The following PRG3 variants were observed in gnomAD, a reference collection of about 807,000 sequenced individuals.
The protein encoded by PRG3 is proteoglycan 3, pro eosinophil major basic protein 2.
Under a neutral mutation model 26.1 loss-of-function variants are expected in PRG3, and 25 were observed. The ratio of observed to expected loss-of-function variants is 0.96; its 90% confidence interval spans 0.70 to 1.34. The LOEUF (loss-of-function observed/expected upper bound fraction) is 1.34, where lower values mean the gene tolerates loss of function less well. Among genes scored for constraint, PRG3 ranks in the 40% most tolerant of loss-of-function variants. The pLI is 0.00. For synonymous variants in PRG3, 111 were observed against 100.4 expected (o/e 1.11, Z -0.63); for missense variants, 280 against 264.8 (o/e 1.06, Z -0.40).
chr11:57,379,701 C>T lies in PRG3; in HGVS notation c.168G>A (p.Val56=). The change falls in exon 3 of 6, where the codon GTG becomes GTA. Residue 56 remains valine (V), a synonymous_variant. Transcript: ENST00000287143. ...TGACCTCCTCTCCCTCTGCCTGAATCACCTCCTCCGTCAGAGCCAAGTCTC... is the reference window on the plus strand; with the variant it reads ...TGACCTCCTCTCCCTCTGCCTGAATTACCTCCTCCGTCAGAGCCAAGTCTC... ...QERDLALTEE[V]IQAEGEEVKA... 1 of 1,614,016 alleles carries T rather than the reference C, an allele frequency of 6.2e-7. No homozygotes were observed. Among genetic ancestry groups the T allele is most frequent in the Non-Finnish European group, 8.5e-7 (1 of 1,180,032 alleles).
intron 3 of PRG3, 135 bp downstream of exon 3, chr11:57,379,359 G>A (rs1856974907): frequency 1.1e-6 from 1 of 941,160 alleles, no homozygotes; most frequent in Non-Finnish European, 1.6e-6. Flanking sequence ...AGAAAGCTGT[G>A]TTTTAACAAC....
At position 57,380,776 on chromosome 11, in the gene PRG3, T is replaced by G; in HGVS notation, c.-68A>C. 8.8e-7 allele frequency: 1 copy of G among 1,135,894 alleles called. No individual in the cohort carries two copies. Among genetic ancestry groups the G allele is most frequent in the Non-Finnish European group, 1.2e-6 (1 of 816,010 alleles). 70.4% of individuals were successfully genotyped at this position (1,135,894 alleles called of 1,614,324 possible). ...TGGGGCTGTCTTTGTGTGTCTAGTA[T>G]AGCCCCTGGCACATAGTATAGAGGG... On this transcript the variant is annotated 5_prime_UTR_variant, in exon 2 of 6. Coordinates refer to ENST00000287143, the MANE Select transcript of PRG3 (RefSeq NM_006093.4).
At chr11:57,378,959 G>A (rs1856971902) in intron 3 of PRG3, 147 bp from the exon 4 acceptor site, 1 of 849,748 alleles carries the variant, frequency 1.2e-6, no homozygotes, top group Non-Finnish European at 1.8e-6. Flanking sequence ...TTAGCTGTCA[G>A]GACAATCCTA....
Position 57,379,535 on chromosome 11 carries a change from A to G in PRG3, c.334T>C (p.Tyr112His), listed in dbSNP as rs1210783653. The change falls in exon 3 of 6, where the codon TAC becomes CAC. Residue 112 changes from tyrosine (Y) to histidine (H), a missense_variant. By Grantham distance (83) the Tyr-to-His change is moderately conservative. Transcript: ENST00000287143. ...GTTTTAGGAGTCCGCACCAATAGGT[A>G]GCGGCAGATCTTGCACCTTGGACTT... The part of the protein sequence containing the change: ...QGSPRCKICR[Y>H]LLVRTPKTFA... 3 of 1,613,352 alleles carry G rather than the reference A, an allele frequency of 1.9e-6. No homozygotes were observed. In the East Asian group the frequency reaches 6.7e-5, roughly 36 times the overall value.
chr11:57,378,859 T>A (rs1856971049), intron 3 of PRG3, 47 bp from the exon 4 acceptor site: 2 of 1,607,038 alleles, frequency 1.2e-6, no homozygotes, highest in Admixed American at 1.7e-5. Flanking sequence ...TTATTTCAAG[T>A]TTCTGAGTCT....
chr11:57,376,842 C>A lies in PRG3; in HGVS notation c.*8G>T, dbSNP rs778924384. ...GGGAGCTGCTGGCAGGGTCTCCGTG[C>A]CGCTGGCTTAGAAGGAGCAGACGAA... On this transcript the variant is annotated 3_prime_UTR_variant, in exon 6 of 6. Transcript: ENST00000287143. 4 of 1,612,266 alleles carry A rather than the reference C, an allele frequency of 2.5e-6. No individual in the cohort carries two copies. Among genetic ancestry groups the A allele is most frequent in the Non-Finnish European group, 3.4e-6 (4 of 1,179,832 alleles).
chr11:57,378,889 C>T lies in PRG3; in HGVS notation c.376-77G>A, dbSNP rs558214723. On this transcript the variant is annotated intron_variant, in intron 3 of 5. Transcript: ENST00000287143. Reference sequence around the variant, plus strand: ...GAGTCTCCAGGCAAGAGCCCGGCATCCCTTTTCAGGTTAAAAATAAACCTA... The same window carrying T: ...GAGTCTCCAGGCAAGAGCCCGGCATTCCTTTTCAGGTTAAAAATAAACCTA... The T allele has an allele frequency of 1.6e-5, 25 of 1,572,598 alleles. 1 individual carries two copies. In the East Asian group the frequency reaches 5.6e-4, roughly 35 times the overall value.
At position 57,380,687 on chromosome 11, in the gene PRG3, G is replaced by A. The variant is rs769211176; in HGVS notation, c.22C>T (p.Pro8Ser). The change falls in exon 2 of 6, where the codon CCC (proline) becomes TCC (serine). Residue 8 changes from proline (P) to serine (S), a missense_variant. Pro to Ser is a moderately conservative substitution (Grantham distance 74, BLOSUM62 -1). Coordinates refer to ENST00000287143, the MANE Select transcript of PRG3 (RefSeq NM_006093.4). ...GAAACTGTTCCCAGCAGGAGAAAGG[G>A]CAGGAGCAAGAGGCATTGCATATCT... Reference protein sequence around the residue: MQCLLLLPFLLLGTVSAL... With the variant: MQCLLLLSFLLLGTVSAL... The A allele has an allele frequency of 6.3e-6, 10 of 1,575,804 alleles. No homozygotes were observed. Among genetic ancestry groups the A allele is most frequent in the South Asian group, 1.2e-5 (1 of 84,314 alleles).
chr11:57,376,819 G>A lies in PRG3; in HGVS notation c.*31C>T. On this transcript the variant is annotated 3_prime_UTR_variant, in exon 6 of 6. Transcript: ENST00000287143. The stretch of plus-strand genomic sequence containing the variant: ...GCAGGAGAGGTTGGGGGACGGGAGG[G>A]AGCTGCTGGCAGGGTCTCCGTGCCG... 6.2e-7 allele frequency: 1 copy of A among 1,610,328 alleles called. No individual in the cohort carries two copies. Among genetic ancestry groups the A allele is most frequent in the East Asian group, 2.2e-5 (1 of 44,774 alleles).
At chr11:57,378,888 T>A in intron 3 of PRG3, 76 bp from the exon 4 acceptor site, 2 of 1,577,526 alleles carry the variant, frequency 1.3e-6, no homozygotes, top group Admixed American at 3.4e-5. Context: ...GAGCCCGGCA[T>A]CCCTTTTCAG....
In PRG3 at chr11:57,379,546, T is replaced by C. The variant is rs1387148960; in HGVS notation, c.323A>G (p.Lys108Arg). The C allele has an allele frequency of 3.1e-6, 5 of 1,613,584 alleles. No individual in the cohort carries two copies. The highest frequency in any genetic ancestry group is 4.2e-6 in the Non-Finnish European group (5 of 1,179,978). Residue 108 changes from lysine to arginine, a missense_variant, in exon 3 of 6, where the codon AAG becomes AGG. Lys to Arg is a conservative substitution (Grantham distance 26, BLOSUM62 2). Coordinates refer to ENST00000287143, the MANE Select transcript of PRG3 (RefSeq NM_006093.4). ...CCGCACCAATAGGTAGCGGCAGATC[T>C]TGCACCTTGGACTTCCCTGCACTTC... ...IVEVQGSPRC[K>R]ICRYLLVRTP... is the part of the protein sequence containing the mutation.
In PRG3 at chr11:57,376,891, C is replaced by A. The variant is rs1472193650; in HGVS notation, c.637G>T (p.Ala213Ser). Residue 213 changes from alanine to serine, a missense_variant, in exon 6 of 6, where the codon GCT becomes TCT. Physicochemically the swap from Ala to Ser is moderately conservative, Grantham distance 99. Transcript: ENST00000287143. ...LCTKGGYWRR[A>S]QCDKQLPFVC... ...AAGGGCAGTTGCTTGTCGCATTGAG[C>A]TCGTCGCCAATAACCTCCTAGCAGC... 3.1e-6 allele frequency: 5 copies of A among 1,612,412 alleles called. No homozygotes were observed. In the South Asian group the frequency reaches 4.4e-5, roughly 14 times the overall value.
In PRG3 at chr11:57,378,779, C is replaced by T; in HGVS notation, c.409G>A (p.Val137Ile). The change falls in exon 4 of 6, where the codon GTC (valine) becomes ATC (isoleucine). Residue 137 changes from valine (V) to isoleucine (I), a missense_variant. Val to Ile is a conservative substitution (Grantham distance 29). Coordinates refer to ENST00000287143, the MANE Select transcript of PRG3 (RefSeq NM_006093.4). ...VCSRCYGGNLVSIHDFNFNYR... is the reference protein window; with the variant it reads ...VCSRCYGGNLISIHDFNFNYR... ...TTGAAGTTGAAGTCATGGATAGAGA[C>T]AAGGTTGCCTCCGTAGCATCTGCTG... 2 of 1,613,808 alleles carry T rather than the reference C, an allele frequency of 1.2e-6. No homozygotes were observed. Among genetic ancestry groups the T allele is most frequent in the East Asian group, 2.2e-5 (1 of 44,888 alleles).
At chr11:57,377,184 G>C (rs568249202) in intron 5 of PRG3, among the ~76,000 whole-genome samples, 4 of 152,190 alleles carry the variant, frequency 2.6e-5, no homozygotes, top group Non-Finnish European at 5.9e-5. Flanking sequence ...CCATTTCACA[G>C]ATGAGGAAAC....
chr11:57,378,914 A>G, intron 3 of PRG3, 102 bp from the exon 4 acceptor site: 2 of 1,381,346 alleles, frequency 1.4e-6, no homozygotes, highest in Non-Finnish European at 1.0e-6. Context: ...AAATAAACCT[A>G]CTTGCCTCCC....
chr11:57,378,945 T>C (rs1856971854), intron 3 of PRG3, 133 bp from the exon 4 acceptor site: 1 of 985,942 alleles, frequency 1.0e-6, no homozygotes, highest in Non-Finnish European at 1.5e-6. Context: ...CTTTTGCTTC[T>C]TAATTAGCTG....
intron 2 of PRG3, 27 bp downstream of exon 2, chr11:57,380,621 G>A (rs762622023): frequency 1.0e-5 from 16 of 1,538,202 alleles, no homozygotes; most frequent in South Asian, 6.2e-5. Context: ...AGGGAAAGAC[G>A]CATGAGGAGG....
In PRG3 at chr11:57,380,681, GA is replaced by G; in HGVS notation, c.27del (p.Leu10SerfsTer21). 6.3e-7 allele frequency: 1 copy of G among 1,578,180 alleles called. No individual in the cohort carries two copies. The highest frequency in any genetic ancestry group is 1.2e-5 in the South Asian group (1 of 84,790). On this transcript the variant is annotated frameshift_variant, in exon 2 of 6. Transcript: ENST00000287143. LOFTEE classifies it high-confidence loss of function. MQCLLLLP[F>X]LLLGTVSALH... Reference sequence around the variant, plus strand: ...AGAGCAGAAACTGTTCCCAGCAGGAGAAAGGGCAGGAGCAAGAGGCATTGCA... The same window carrying G: ...AGAGCAGAAACTGTTCCCAGCAGGAGAAGGGCAGGAGCAAGAGGCATTGCA...
At chr11:57,379,830 C>CATCA in intron 2 of PRG3, 23 bp from the exon 3 acceptor site, 1 of 1,583,672 alleles carries the variant, frequency 6.3e-7, no homozygotes, top group Non-Finnish European at 8.6e-7. Flanking sequence ...GGTAACCTGC[C>CATCA]ATCAGGTCAA....
Sources: gnomAD v4.1 joint callset for allele counts (sites outside exome capture counted in the v4.1 genomes callset) on GRCh38, gnomAD v4.1.1 for gene constraint, MANE v1.5 for transcripts, NCBI Gene and HGNC (gene_info 2026-07-23, HGNC 2026-07-21) for gene names.